Variants in RFX3 observed in about 807,000 individuals in gnomAD.
RFX3 encodes the protein regulatory factor X3.
Under a neutral mutation model 98.6 loss-of-function variants are expected in RFX3, and 14 were observed. The observed-to-expected ratio is 0.14, with a 90% CI of 0.09 to 0.22. The LOEUF (loss-of-function observed/expected upper bound fraction) is 0.22. Ranked by LOEUF, RFX3 falls within the 10% of genes least tolerant of loss-of-function variation. The pLI is 1.00. For missense variants in RFX3, 639 were observed against 926.9 expected (o/e 0.69, Z 4.03); for synonymous variants, 383 against 328.4 (o/e 1.17, Z -1.80).
chr9:3,484,471 CA>C (rs953711236), intron 1 of RFX3, among the ~76,000 whole-genome samples: 12 of 152,124 alleles, frequency 7.9e-5, no homozygotes, highest in Middle Eastern at 3.4e-3. Context: ...CTACGCTAAT[CA>C]AAATAAAACA....
chr9:3,506,002 A>T (rs1817054559), intron 1 of RFX3, among the ~76,000 whole-genome samples: 1 of 151,844 alleles, frequency 6.6e-6, no homozygotes, highest in Non-Finnish European at 1.5e-5. Flanking sequence ...TTGCTCAAGA[A>T]ATGAATGAAA....
At chr9:3,316,103 G>T (rs1045640553) in intron 4 of RFX3, among the ~76,000 whole-genome samples, 2 of 152,158 alleles carry the variant, frequency 1.3e-5, no homozygotes, top group African/African-American at 4.8e-5. Flanking sequence ...TATCGCTGAT[G>T]AACATCGATG....
At chr9:3,461,190 A>C (rs907878512) in intron 1 of RFX3, among the ~76,000 whole-genome samples, 3 of 151,812 alleles carry the variant, frequency 2.0e-5, no homozygotes, top group African/African-American at 7.2e-5. Context: ...TAATATTTTT[A>C]AATATATGAG....
At chr9:3,403,693 A>G (rs1198691037) in intron 1 of RFX3, among the ~76,000 whole-genome samples, 4 of 152,202 alleles carry the variant, frequency 2.6e-5, no homozygotes, top group Non-Finnish European at 4.4e-5. Context: ...CAAAAACTAA[A>G]ATAAAACAAT....
intron 2 of RFX3, among the ~76,000 whole-genome samples, chr9:3,366,698 CTTTCTTTCTTTCTTT>C (rs1837165461): frequency 3.2e-5 from 2 of 61,746 alleles, no homozygotes; most frequent in African/African-American, 1.3e-4. Context: ...TCTTTCCTTT[CTTTCTTTCTTTCTTT>C]CTTTCTTTCT....
chr9:3,319,469 C>A (rs1213376404), intron 4 of RFX3, among the ~76,000 whole-genome samples: 3 of 152,016 alleles, frequency 2.0e-5, no homozygotes, highest in African/African-American at 7.3e-5. Context: ...AAGGGTGATT[C>A]TGCAATCTTA....
intron 1 of RFX3, among the ~76,000 whole-genome samples, chr9:3,398,914 T>TTAAAA (rs1423296051): frequency 3.0e-5 from 2 of 67,568 alleles, no homozygotes; most frequent in African/African-American, 9.7e-5. Context: ...TAGAGTATAA[T>TTAAAA]AAAAAAAAAA....
intron 1 of RFX3, among the ~76,000 whole-genome samples, chr9:3,413,303 G>A (rs1030981293): frequency 2.0e-5 from 3 of 151,944 alleles, no homozygotes; most frequent in Admixed American, 2.0e-4. Context: ...TTGATAAATT[G>A]TTTTATGAAA....
At chr9:3,253,999 T>C (rs1322757402) in intron 14 of RFX3, among the ~76,000 whole-genome samples, 3 of 152,196 alleles carry the variant, frequency 2.0e-5, no homozygotes. Flanking sequence ...TCTGTCTGAA[T>C]GTGCCTTTCC....
chr9:3,498,854 T>C (rs996344196), intron 1 of RFX3, among the ~76,000 whole-genome samples: 1 of 152,178 alleles, frequency 6.6e-6, no homozygotes, highest in Non-Finnish European at 1.5e-5. Flanking sequence ...TTGCTAGGAG[T>C]CTGTTGCTGT....
chr9:3,423,040 C>T (rs1235246660), intron 1 of RFX3, among the ~76,000 whole-genome samples: 1 of 152,174 alleles, frequency 6.6e-6, no homozygotes, highest in Non-Finnish European at 1.5e-5. Flanking sequence ...AACTATCCTA[C>T]TGTTTAGTCC....
At chr9:3,364,116 T>C (rs1477282187) in intron 2 of RFX3, among the ~76,000 whole-genome samples, 5 of 152,216 alleles carry the variant, frequency 3.3e-5, no homozygotes, top group Non-Finnish European at 5.9e-5. Context: ...CCTCATGATC[T>C]GCGGGCCTCG....
At chr9:3,504,366 A>T (rs1490517839) in intron 1 of RFX3, among the ~76,000 whole-genome samples, 3 of 136,072 alleles carry the variant, frequency 2.2e-5, no homozygotes, top group African/African-American at 5.8e-5. Context: ...TTGTATATAA[A>T]ATATATATTA....
At chr9:3,504,096 C>T (rs1341716456) in intron 1 of RFX3, among the ~76,000 whole-genome samples, 1 of 140,684 alleles carries the variant, frequency 7.1e-6, no homozygotes, top group African/African-American at 2.8e-5. Context: ...TTGATCAATA[C>T]ATCTTTCTCT....
intron 1 of RFX3, among the ~76,000 whole-genome samples, chr9:3,449,954 C>T (rs1250100333): frequency 1.3e-5 from 2 of 151,114 alleles, no homozygotes; most frequent in African/African-American, 4.9e-5. Flanking sequence ...CATCGTAGCC[C>T]AGGATAAAAA....
intron 4 of RFX3, among the ~76,000 whole-genome samples, chr9:3,319,047 T>C (rs1157098939): frequency 6.6e-6 from 1 of 152,214 alleles, no homozygotes; most frequent in African/African-American, 2.4e-5. Context: ...ATTTGCTGGG[T>C]TAGAATTAAA....
At chr9:3,504,150 C>G (rs567718119) in intron 1 of RFX3, among the ~76,000 whole-genome samples, 1 of 99,744 alleles carries the variant, frequency 1.0e-5, no homozygotes, top group Admixed American at 1.1e-4. Context: ...ATATATTATA[C>G]ATATTATATA....
At chr9:3,297,360 CT>C (rs1047417643) in intron 5 of RFX3, among the ~76,000 whole-genome samples, 3 of 151,878 alleles carry the variant, frequency 2.0e-5, no homozygotes, top group Non-Finnish European at 2.9e-5. Context: ...CTTGATTACT[CT>C]ACTTATGAAC....
chr9:3,358,386 T>A (rs1465508334), intron 2 of RFX3, among the ~76,000 whole-genome samples: 1 of 152,134 alleles, frequency 6.6e-6, no homozygotes, highest in South Asian at 2.1e-4. Flanking sequence ...AAGGGTCCCT[T>A]AAAATCATGA....
Sources: gnomAD v4.1 joint callset for allele counts (sites outside exome capture counted in the v4.1 genomes callset) on GRCh38, gnomAD v4.1.1 for gene constraint, MANE v1.5 for transcripts, NCBI Gene and HGNC (gene_info 2026-07-23, HGNC 2026-07-21) for gene names.